Variants in TMEM151B observed in about 807,000 individuals in gnomAD.
TMEM151B encodes transmembrane protein 193.
Under a neutral mutation model 33.0 loss-of-function variants are expected in TMEM151B, and 18 were observed. The ratio of observed to expected loss-of-function variants is 0.55; its 90% CI spans 0.38 to 0.81. The LOEUF (loss-of-function observed/expected upper bound fraction) is 0.81. Among genes scored for constraint, TMEM151B ranks in the 30% least tolerant of loss-of-function variants. The pLI is 0.00. For missense variants in TMEM151B, 672 were observed against 843.4 expected (o/e 0.80, Z 2.52); for synonymous variants, 354 against 373.6 (o/e 0.95, Z 0.61).
In TMEM151B at chr6:44,278,733, C is replaced by A. The variant is rs964860812; in HGVS notation, c.*2206C>A. 2 of 152,212 alleles carry A rather than the reference C, an allele frequency of 1.3e-5. No individual in the cohort carries two copies. Among genetic ancestry groups the A allele is most frequent in the African/African-American group, 4.8e-5 (2 of 41,446 alleles). The allele number at this position is 152,212 out of a possible 1,614,324, so 9.4% of individuals were successfully genotyped here. A position where few individuals can be genotyped will look rare whatever the true frequency, so the allele number is the denominator to read the frequency against. On this transcript the variant is annotated 3_prime_UTR_variant, in exon 3 of 3. Coordinates refer to ENST00000451188, the MANE Select transcript of TMEM151B (RefSeq NM_001137560.2). ...GCACAGACTTAGAGAGAAACCAATT[C>A]TTTGGTCTATTTTCTTGGTAGCTTT...
At position 44,275,585 on chromosome 6, in the gene TMEM151B, C is replaced by G. The variant is rs912618143; in HGVS notation, c.759C>G (p.Arg253=). 6.4e-7 allele frequency: 1 copy of G among 1,550,900 alleles called. No individual in the cohort carries two copies. Among genetic ancestry groups the G allele is most frequent in the Non-Finnish European group, 8.7e-7 (1 of 1,146,726 alleles). ...VEAENAYLCQ[R]ARFFAENEGL... ...CCGAGAACGCGTACCTGTGCCAGCG[C>G]GCGCGCTTCTTCGCAGAGAACGAGG... The change falls in exon 3 of 3, where the codon CGC becomes CGG. Residue 253 remains arginine, a synonymous_variant. Coordinates refer to ENST00000451188, the MANE Select transcript of TMEM151B (RefSeq NM_001137560.2).
chr6:44,272,189 T>C (rs1334445554), intron 1 of TMEM151B, among the ~76,000 whole-genome samples: 1 of 152,128 alleles, frequency 6.6e-6, no homozygotes, highest in Non-Finnish European at 1.5e-5. Context: ...AATTTTCTCT[T>C]GATAAATTGC....
chr6:44,274,346 T>A (rs1266562872), intron 2 of TMEM151B, among the ~76,000 whole-genome samples: 1 of 152,250 alleles, frequency 6.6e-6, no homozygotes, highest in Admixed American at 6.5e-5. Flanking sequence ...GTCCAAAGTC[T>A]GCTGCTCTTA....
rs747257129 is a variant in TMEM151B, at chr6:44,275,540, C to A, written c.714C>A (p.Phe238Leu). Residue 238 changes from phenylalanine to leucine, a missense_variant, in exon 3 of 3, where the codon TTC (phenylalanine) becomes TTA (leucine). This residue lies in a region of TMEM151B where 285 missense variants were observed against 423.1 expected (regional missense o/e 0.67). Transcript: ENST00000451188. ...CGCGGCTGCGCTTCACCAAGTGCTT[C>A]AGTTTCGCCAGCGTGGAGGCCGAGA... is the stretch of plus-strand genomic sequence containing the variant. ...PATRLRFTKC[F>L]SFASVEAENA... The A allele has an allele frequency of 6.4e-7, 1 of 1,550,542 alleles. No individual in the cohort carries two copies. The highest frequency in any genetic ancestry group is 8.7e-7 in the Non-Finnish European group (1 of 1,146,618).
chr6:44,276,215 C>T lies in TMEM151B; in HGVS notation c.1389C>T (p.Pro463=), dbSNP rs995308643. The stretch of plus-strand genomic sequence containing the variant: ...CCAGCCCGCGGGCCGGCCCGGGGCC[C>T]GGTGGGGGCGCGGGCTGCGGGGGCA... ...ICASPRAGPG[P]GGGAGCGGSR... is the part of the protein sequence containing the mutation. Residue 463 remains proline, a synonymous_variant, in exon 3 of 3, where the codon CCC becomes CCT. Transcript: ENST00000451188. 2.3e-6 allele frequency: 3 copies of T among 1,291,024 alleles called. No homozygotes were observed. The highest frequency in any genetic ancestry group is 1.5e-5 in the African/African-American group (1 of 64,532). The allele number at this position is 1,291,024 out of a possible 1,614,324, so 80.0% of individuals were successfully genotyped here. A position where few individuals can be genotyped will look rare whatever the true frequency, so the allele number is the denominator to read the frequency against.
chr6:44,276,730 G>A lies in TMEM151B; in HGVS notation c.*203G>A. 2.7e-6 allele frequency: 3 copies of A among 1,120,170 alleles called. No homozygotes were observed. The highest frequency in any genetic ancestry group is 3.4e-6 in the Non-Finnish European group (3 of 886,830). The allele number at this position is 1,120,170 out of a possible 1,614,324, so 69.4% of individuals were successfully genotyped here. The stretch of plus-strand genomic sequence containing the variant: ...TAAAGAGACCGATGGGTGGGAGGGG[G>A]TCGGCTGCTCCCCGAGATCCCCCTG... On this transcript the variant is annotated 3_prime_UTR_variant, in exon 3 of 3. Transcript: ENST00000451188.
chr6:44,273,722 C>T (rs980629139), intron 2 of TMEM151B, among the ~76,000 whole-genome samples: 8 of 152,246 alleles, frequency 5.3e-5, no homozygotes, highest in African/African-American at 1.9e-4. Context: ...ATTTTACACA[C>T]ATCAAATCAT....
chr6:44,276,129 C>T lies in TMEM151B; in HGVS notation c.1303C>T (p.His435Tyr). Residue 435 changes from histidine (H) to tyrosine (Y), a missense_variant, in exon 3 of 3, where the codon CAC (histidine) becomes TAC (tyrosine). This residue lies in a region of TMEM151B where 324 missense variants were observed against 363.1 expected (regional missense o/e 0.89). Coordinates refer to ENST00000451188, the MANE Select transcript of TMEM151B (RefSeq NM_001137560.2). The part of the protein sequence containing the change: ...GVAPYRRSCE[H>Y]CQRAVSSSSI... ...GGCTCCCTACCGGCGCAGCTGCGAG[C>T]ACTGCCAGCGCGCCGTCAGCAGCTC... 7.6e-7 allele frequency: 1 copy of T among 1,319,014 alleles called. No individual in the cohort carries two copies. The highest frequency in any genetic ancestry group is 9.6e-7 in the Non-Finnish European group (1 of 1,042,712). 81.7% of individuals were successfully genotyped at this position (1,319,014 alleles called of 1,614,324 possible).
At chr6:44,271,229 G>A (rs1782326612) in intron 1 of TMEM151B, among the ~76,000 whole-genome samples, 1 of 151,978 alleles carries the variant, frequency 6.6e-6, no homozygotes, top group South Asian at 2.1e-4. Flanking sequence ...TGAAGGCCAG[G>A]AAGGGCGGCT....
In TMEM151B at chr6:44,270,827, A is replaced by ACGGCGGCGGCGG. The variant is rs1181233171; in HGVS notation, c.87_98dup (p.Ala34_Ala37dup). 2 of 1,128,328 alleles carry ACGGCGGCGGCGG rather than the reference A, an allele frequency of 1.8e-6. No homozygotes were observed. Among genetic ancestry groups the ACGGCGGCGGCGG allele is most frequent in the African/African-American group, 3.4e-5 (2 of 59,238 alleles). 69.9% of individuals were successfully genotyped at this position (1,128,328 alleles called of 1,614,324 possible). ...CGGCCCCGGGGTCTCGGAGGAGCTC[A>ACGGCGGCGGCGG]CGGCGGCGGCGGCAGCGGCGGCGGC... On this transcript the variant is annotated inframe_insertion, in exon 1 of 3. Coordinates refer to ENST00000451188, the MANE Select transcript of TMEM151B (RefSeq NM_001137560.2).
Position 44,275,313 on chromosome 6 carries a change from G to C in TMEM151B, c.577-90G>C, listed in dbSNP as rs541668. The C allele has an allele frequency of 0.028, 40,716 of 1,435,748 alleles. 3,167 individuals carry two copies. The African/African-American group carries it at 0.28, about 10-fold the overall frequency. 88.9% of individuals were successfully genotyped at this position (1,435,748 alleles called of 1,614,324 possible). On this transcript the variant is annotated intron_variant, in intron 2 of 2. Coordinates refer to ENST00000451188, the MANE Select transcript of TMEM151B (RefSeq NM_001137560.2). ...CTTAGGGTCCGACCAGGCAACCAGA[G>C]CACAGATGGGGCGGGAAAGGGTGAG...
intron 1 of TMEM151B, 106 bp from the exon 2 acceptor site, chr6:44,272,960 C>T: frequency 1.0e-6 from 1 of 954,740 alleles, no homozygotes; most frequent in Non-Finnish European, 1.5e-6. Context: ...CCTGTTATCT[C>T]TGGTGCTGGC....
chr6:44,273,642 C>G (rs1038818110), intron 2 of TMEM151B, 136 bp downstream of exon 2: 1 of 963,472 alleles, frequency 1.0e-6, no homozygotes. Flanking sequence ...AGCATTGCAA[C>G]AGCAGGGCAA....
Position 44,270,796 on chromosome 6 carries a change from C to A in TMEM151B, c.54C>A (p.Gly18=). The A allele has an allele frequency of 9.0e-7, 1 of 1,105,598 alleles. No individual in the cohort carries two copies. 68.5% of individuals were successfully genotyped at this position (1,105,598 alleles called of 1,614,324 possible). ...AGAGCGCCGCCGGCGGCGGCGGCGG[C>A]GGTGGCGGCCCCGGGGTCTCGGAGG... ...AGESAAGGGG[G]GGGPGVSEEL... Residue 18 remains glycine, a synonymous_variant, in exon 1 of 3, where the codon GGC becomes GGA. Coordinates refer to ENST00000451188, the MANE Select transcript of TMEM151B (RefSeq NM_001137560.2).
rs993232517 is a variant in TMEM151B at position 44,276,428 on chromosome 6, C to G, written c.1602C>G (p.Leu534=). The G allele has an allele frequency of 6.6e-7, 1 of 1,509,076 alleles. No individual in the cohort carries two copies. Among genetic ancestry groups the G allele is most frequent in the East Asian group, 2.7e-5 (1 of 37,426 alleles). 93.5% of individuals were successfully genotyped at this position (1,509,076 alleles called of 1,614,324 possible). The change falls in exon 3 of 3, where the codon CTC becomes CTG. Residue 534 remains leucine (L), a synonymous_variant. Coordinates refer to ENST00000451188, the MANE Select transcript of TMEM151B (RefSeq NM_001137560.2). Reference sequence around the variant, plus strand: ...CGCCGCCGCCCTACCACGACGCCCTCTACTTTCCGGTCCTCATCGTCCACC... The same window carrying G: ...CGCCGCCGCCCTACCACGACGCCCTGTACTTTCCGGTCCTCATCGTCCACC... ...AGPPPPYHDA[L]YFPVLIVHRQ...
chr6:44,275,995 C>T lies in TMEM151B; in HGVS notation c.1169C>T (p.Ala390Val). The T allele has an allele frequency of 7.0e-7, 1 of 1,427,856 alleles. No homozygotes were observed. The highest frequency in any genetic ancestry group is 1.5e-5 in the South Asian group (1 of 64,796). 88.4% of individuals were successfully genotyped at this position (1,427,856 alleles called of 1,614,324 possible). A position where few individuals can be genotyped will look rare whatever the true frequency, so the allele number is the denominator to read the frequency against. Residue 390 changes from alanine (A) to valine (V), a missense_variant, in exon 3 of 3, where the codon GCG (alanine) becomes GTG (valine). By Grantham distance (64) the Ala-to-Val change is moderately conservative. Coordinates refer to ENST00000451188, the MANE Select transcript of TMEM151B (RefSeq NM_001137560.2). The part of the protein sequence containing the change: ...NQQLVPSYSE[A>V]VLMDLAGLGT... ...CAGCTGGTGCCCAGCTACTCTGAGG[C>T]GGTGCTCATGGACCTGGCGGGGCTC...
At position 44,276,309 on chromosome 6, in the gene TMEM151B, G is replaced by A. The variant is rs1008556993; in HGVS notation, c.1483G>A (p.Val495Ile). The change falls in exon 3 of 3, where the codon GTC becomes ATC. Residue 495 changes from valine (V) to isoleucine (I), a missense_variant. By Grantham distance (29) the Val-to-Ile change is conservative. Transcript: ENST00000451188. ...CCTGTGGCGCAGCCGCAGCGGGAGC[G>A]TCAACGAGGCCAGCTGCCCCACGGA... is the stretch of plus-strand genomic sequence containing the variant. The part of the protein sequence containing the change: ...SCLWRSRSGS[V>I]NEASCPTEQT... 5 of 1,438,516 alleles carry A rather than the reference G, an allele frequency of 3.5e-6. No individual in the cohort carries two copies. In the African/African-American group the frequency reaches 5.9e-5, roughly 17 times the overall value. 89.1% of individuals were successfully genotyped at this position (1,438,516 alleles called of 1,614,324 possible).
Position 44,276,085 on chromosome 6 carries a change from G to A in TMEM151B, c.1259G>A (p.Gly420Asp). The A allele has an allele frequency of 3.0e-6, 4 of 1,322,366 alleles. No homozygotes were observed. The highest frequency in any genetic ancestry group is 2.9e-6 in the Non-Finnish European group (3 of 1,044,746). 81.9% of individuals were successfully genotyped at this position (1,322,366 alleles called of 1,614,324 possible). A position where few individuals can be genotyped will look rare whatever the true frequency, so the allele number is the denominator to read the frequency against. ...APSCRYGGVG[G>D]PGAAGVAPYR... ...TCGTGCCGCTACGGTGGGGTAGGCG[G>A]CCCGGGCGCGGCGGGCGTGGCTCCC... Residue 420 changes from glycine to aspartate, a missense_variant, in exon 3 of 3, where the codon GGC (glycine) becomes GAC (aspartate). Transcript: ENST00000451188.
In TMEM151B at chr6:44,276,482, C is replaced by T; in HGVS notation, c.1656C>T (p.His552=). The part of the protein sequence containing the change: ...HRQEGCLGHS[H]RPLHRHGSCV... ...AGGAGGGGTGTCTGGGCCACAGCCA[C>T]CGGCCGCTGCACCGCCACGGCTCCT... is the stretch of plus-strand genomic sequence containing the variant. The change falls in exon 3 of 3, where the codon CAC becomes CAT. Residue 552 remains histidine, a synonymous_variant. Coordinates refer to ENST00000451188, the MANE Select transcript of TMEM151B (RefSeq NM_001137560.2). 1 of 1,446,956 alleles carries T rather than the reference C, an allele frequency of 6.9e-7. No homozygotes were observed. The highest frequency in any genetic ancestry group is 1.4e-5 in the South Asian group (1 of 73,858). 89.6% of individuals were successfully genotyped at this position (1,446,956 alleles called of 1,614,324 possible).
Sources: gnomAD v4.1 joint callset for allele counts (sites outside exome capture counted in the v4.1 genomes callset) on GRCh38, gnomAD v4.1.1 for gene constraint, gnomAD v4.1.1 regional missense constraint, MANE v1.5 for transcripts, NCBI Gene and HGNC (gene_info 2026-07-23, HGNC 2026-07-21) for gene names.